Variants in SIAH2 observed in about 807,000 individuals in gnomAD.
SIAH2 encodes siah E3 ubiquitin protein ligase 2, also known as E3 ubiquitin-protein ligase SIAH2.
A neutral mutation model predicts 20.4 loss-of-function variants in SIAH2; 4 were observed. That is an observed-to-expected ratio of 0.20 (90% CI 0.10 to 0.45). The LOEUF (loss-of-function observed/expected upper bound fraction) is 0.45, where lower values mean the gene tolerates loss of function less well. Ranked by LOEUF, SIAH2 falls within the 20% of genes least tolerant of loss-of-function variation. The pLI, the probability that SIAH2 is intolerant of heterozygous loss-of-function variation, is 0.99. For synonymous variants in SIAH2, 171 were observed against 192.5 expected (o/e 0.89, Z 0.93); for missense variants, 259 against 440.3 (o/e 0.59, Z 3.69).
intron 1 of SIAH2, among the ~76,000 whole-genome samples, chr3:150,747,591 A>G (rs376555125): frequency 1.3e-5 from 2 of 152,172 alleles, no homozygotes; most frequent in African/African-American, 4.8e-5. Flanking sequence ...ATTAGTTTTA[A>G]GTAAACATCT....
Position 150,762,208 on chromosome 3 carries a change from C to A in SIAH2, c.417+225G>T. ...ACGATGTTCTAACGATCAGCAAATG[C>A]CAATTAATCTGTTAATTGTCTATTA... is the stretch of plus-strand genomic sequence containing the variant. On this transcript the variant is annotated intron_variant, in intron 1 of 1. Transcript: ENST00000312960. This position sits in a 1 kb window ranked among gnomAD's most constrained non-coding sequence, Gnocchi z 6.6. 1 of 891,124 alleles carries A rather than the reference C, an allele frequency of 1.1e-6. No individual in the cohort carries two copies. The highest frequency in any genetic ancestry group is 1.6e-6 in the Non-Finnish European group (1 of 623,060). The allele number at this position is 891,124 out of a possible 1,614,324, so 55.2% of individuals were successfully genotyped here.
intron 1 of SIAH2, among the ~76,000 whole-genome samples, chr3:150,745,508 T>A (rs919284373): frequency 2.6e-5 from 4 of 151,746 alleles, no homozygotes; most frequent in African/African-American, 9.7e-5. Flanking sequence ...TTTCTTTTTT[T>A]TTTTTGAGAT....
At chr3:150,758,517 T>C (rs1385394882) in intron 1 of SIAH2, among the ~76,000 whole-genome samples, 6 of 151,134 alleles carry the variant, frequency 4.0e-5, no homozygotes, top group African/African-American at 1.2e-4. Context: ...AGCCACAGAA[T>C]GGATTAAAAA....
intron 1 of SIAH2, among the ~76,000 whole-genome samples, chr3:150,745,039 T>C (rs1351832452): frequency 1.3e-5 from 2 of 152,136 alleles, no homozygotes; most frequent in South Asian, 2.1e-4. Context: ...AACGATCTCA[T>C]GTTTTTTCAT....
intron 1 of SIAH2, among the ~76,000 whole-genome samples, chr3:150,760,724 A>G (rs185988806): frequency 6.6e-6 from 1 of 152,378 alleles, no homozygotes; most frequent in East Asian, 1.9e-4. Context: ...TTTAAGGGAA[A>G]GTAAAGGGGT....
At position 150,742,047 on chromosome 3, in the gene SIAH2, C is replaced by CTTG; in HGVS notation, c.*91_*93dup. On this transcript the variant is annotated 3_prime_UTR_variant, in exon 2 of 2. Transcript: ENST00000312960. This position sits in a 1 kb window ranked among gnomAD's most constrained non-coding sequence, Gnocchi z 4.8. ...AAACACGGGTAATTGTGGGTCCTGA[C>CTTG]TTGTGAAGACATATGGAATAAAACA... 8.1e-7 allele frequency: 1 copy of CTTG among 1,235,444 alleles called. No individual in the cohort carries two copies. 76.5% of individuals were successfully genotyped at this position (1,235,444 alleles called of 1,614,324 possible).
chr3:150,753,129 C>T (rs1042621467), intron 1 of SIAH2, among the ~76,000 whole-genome samples: 1 of 152,204 alleles, frequency 6.6e-6, no homozygotes, highest in Admixed American at 6.5e-5. Flanking sequence ...GCAAGGTCTT[C>T]GGACTCCTTT....
At chr3:150,753,793 C>T (rs548602956) in intron 1 of SIAH2, among the ~76,000 whole-genome samples, 15 of 148,412 alleles carry the variant, frequency 1.0e-4, no homozygotes, top group South Asian at 4.2e-4. Flanking sequence ...GACCCTGTCT[C>T]GAAACAAAAA....
At chr3:150,757,574 T>C (rs1189878496) in intron 1 of SIAH2, among the ~76,000 whole-genome samples, 1 of 152,152 alleles carries the variant, frequency 6.6e-6, no homozygotes, top group East Asian at 1.9e-4. Flanking sequence ...AGAGGCTGCA[T>C]GCTGGCAGCT....
chr3:150,755,885 C>T (rs1714477186), intron 1 of SIAH2, among the ~76,000 whole-genome samples: 1 of 151,426 alleles, frequency 6.6e-6, no homozygotes, highest in Non-Finnish European at 1.5e-5. Flanking sequence ...CTCCTGACCT[C>T]ATGATCTGCC....
intron 1 of SIAH2, among the ~76,000 whole-genome samples, chr3:150,752,092 A>T (rs1186825963): frequency 6.6e-6 from 1 of 152,222 alleles, no homozygotes; most frequent in Non-Finnish European, 1.5e-5. Context: ...GTGCATGTTC[A>T]AGCAAACAAA....
In SIAH2 at chr3:150,762,293, G is replaced by A; in HGVS notation, c.417+140C>T. 2 of 1,452,124 alleles carry A rather than the reference G, an allele frequency of 1.4e-6. No individual in the cohort carries two copies. The highest frequency in any genetic ancestry group is 2.2e-4 in the Middle Eastern group (1 of 4,644). The allele number at this position is 1,452,124 out of a possible 1,614,324, so 90.0% of individuals were successfully genotyped here. A position where few individuals can be genotyped will look rare whatever the true frequency, so the allele number is the denominator to read the frequency against. Reference sequence around the variant, plus strand: ...ACACCCAAAGTGGGCTTGAGGGAGGGTGGACGAAGTGTAAACATTTTTTCT... The same window carrying A: ...ACACCCAAAGTGGGCTTGAGGGAGGATGGACGAAGTGTAAACATTTTTTCT... On this transcript the variant is annotated intron_variant, in intron 1 of 1. Transcript: ENST00000312960. The surrounding 1 kb of genome is among the most constrained non-coding windows in gnomAD (Gnocchi z 6.6).
Position 150,762,415 on chromosome 3 carries a change from G to A in SIAH2, c.417+18C>T, listed in dbSNP as rs1404129425. ...CTGAGGTCACCGGCGGAGGTACGTGGGCTGTCCCTGGGCTTACCTTACAGG... is the reference window on the plus strand; with the variant it reads ...CTGAGGTCACCGGCGGAGGTACGTGAGCTGTCCCTGGGCTTACCTTACAGG... On this transcript the variant is annotated intron_variant, in intron 1 of 1. Coordinates refer to ENST00000312960, the MANE Select transcript of SIAH2 (RefSeq NM_005067.7). The surrounding 1 kb of genome is among the most constrained non-coding windows in gnomAD (Gnocchi z 6.6). The A allele has an allele frequency of 1.9e-6, 3 of 1,598,126 alleles. No individual in the cohort carries two copies. The highest frequency in any genetic ancestry group is 2.6e-6 in the Non-Finnish European group (3 of 1,173,344).
Sources: allele counts gnomAD v4.1 joint callset (sites outside exome capture counted in the v4.1 genomes callset), GRCh38; gene constraint gnomAD v4.1.1; non-coding constraint Gnocchi (gnomAD v3.1); transcripts MANE v1.5; gene names NCBI Gene and HGNC (gene_info 2026-07-23, HGNC 2026-07-21).